Variants in DOCK4 observed in about 807,000 individuals in gnomAD.
DOCK4 encodes the protein dedicator of cytokinesis 4, also known as dedicator of cytokinesis protein 4.
Under a neutral mutation model 268.1 loss-of-function variants are expected in DOCK4, and 97 were observed. The ratio of observed to expected loss-of-function variants is 0.36; its 90% CI spans 0.31 to 0.43. The LOEUF is 0.43. Among genes scored for constraint, DOCK4 ranks in the 20% least tolerant of loss-of-function variants. The pLI is 1.00. For synonymous variants in DOCK4, 954 were observed against 887.2 expected (o/e 1.08, Z -1.34); for missense variants, 2,145 against 2,455.7 (o/e 0.87, Z 2.67).
At chr7:112,180,939 T>C (rs1346469105) in intron 1 of DOCK4, among the ~76,000 whole-genome samples, 7 of 152,178 alleles carry the variant, frequency 4.6e-5, no homozygotes, top group Admixed American at 4.6e-4. Context: ...AGGCAAAAGT[T>C]TGGAAGACAT....
chr7:112,119,583 G>C (rs986739907), intron 1 of DOCK4, among the ~76,000 whole-genome samples: 1 of 152,078 alleles, frequency 6.6e-6, no homozygotes, highest in African/African-American at 2.4e-5. Flanking sequence ...TGCCCTAAAC[G>C]AACATTGGAG....
intron 16 of DOCK4, 61 bp from the exon 17 acceptor site, chr7:111,877,247 G>T: frequency 5.7e-6 from 7 of 1,230,622 alleles, no homozygotes; most frequent in Non-Finnish European, 7.3e-6. Flanking sequence ...GAATTATTAA[G>T]CATAATTTAT....
intron 1 of DOCK4, among the ~76,000 whole-genome samples, chr7:112,130,017 G>A (rs1051551178): frequency 6.6e-6 from 1 of 152,202 alleles, no homozygotes; most frequent in Non-Finnish European, 1.5e-5. Flanking sequence ...AATGAACAGG[G>A]CCTTGAACAC....
Position 111,940,306 on chromosome 7 carries a change from G to A in DOCK4, c.845-64C>T, listed in dbSNP as rs542991089. On this transcript the variant is annotated intron_variant, in intron 10 of 52. Coordinates refer to ENST00000428084, the MANE Select transcript of DOCK4 (RefSeq NM_001363540.2). The stretch of plus-strand genomic sequence containing the variant: ...TTTGATTAGATGCATCTTAGGTAGC[G>A]AAACATACAGCTATAAGATAGGCCA... 7.8e-4 allele frequency: 1,244 copies of A among 1,601,150 alleles called. 4 individuals carry two copies. Among genetic ancestry groups the A allele is most frequent in the Non-Finnish European group, 9.6e-4 (1,127 of 1,169,318 alleles).
chr7:111,778,443 A>G (rs1192854827), intron 35 of DOCK4, 74 bp from the exon 36 acceptor site: 17 of 898,584 alleles, frequency 1.9e-5, no homozygotes, highest in South Asian at 5.1e-5. Flanking sequence ...TTACTCTGCT[A>G]AAGTTCCATG....
chr7:112,183,265 T>A (rs1819211791), intron 1 of DOCK4, among the ~76,000 whole-genome samples: 1 of 151,396 alleles, frequency 6.6e-6, no homozygotes, highest in Non-Finnish European at 1.5e-5. Flanking sequence ...AGGTCCTCCA[T>A]TTGGGAATAG....
intron 1 of DOCK4, among the ~76,000 whole-genome samples, chr7:112,093,449 G>T (rs546989360): frequency 6.7e-6 from 1 of 149,156 alleles, no homozygotes; most frequent in South Asian, 2.1e-4. Flanking sequence ...ACATTTAAAG[G>T]GGGGGGGAAA....
At position 111,766,931 on chromosome 7, in the gene DOCK4, G is replaced by A. The variant is rs73432094; in HGVS notation, c.3915+101C>T. On this transcript the variant is annotated intron_variant, in intron 38 of 52. Coordinates refer to ENST00000428084, the MANE Select transcript of DOCK4 (RefSeq NM_001363540.2). ...TGCTTCAGAGGATTTATCTTAAAAAGGGTTTCTGCAAGACCACAAAGTTAA... is the reference window on the plus strand; with the variant it reads ...TGCTTCAGAGGATTTATCTTAAAAAAGGTTTCTGCAAGACCACAAAGTTAA... 0.025 allele frequency: 20,440 copies of A among 833,290 alleles called. 2,200 individuals are homozygous for A. The African/African-American group carries it at 0.27, about 11-fold the overall frequency. The allele number at this position is 833,290 out of a possible 1,614,324, so 51.6% of individuals were successfully genotyped here.
intron 42 of DOCK4, among the ~76,000 whole-genome samples, chr7:111,754,020 A>C (rs2133540446): frequency 6.6e-6 from 1 of 152,366 alleles, no homozygotes; most frequent in Middle Eastern, 3.4e-3. Context: ...ACCATTGATG[A>C]GACTTCACAG....
At chr7:111,765,928 C>G (rs879215198) in intron 38 of DOCK4, among the ~76,000 whole-genome samples, 9 of 152,138 alleles carry the variant, frequency 5.9e-5, no homozygotes, top group Non-Finnish European at 1.0e-4. Flanking sequence ...CTCTATCCCC[C>G]CTCTAGTAAC....
chr7:112,072,437 C>T (rs1655436824), intron 1 of DOCK4, among the ~76,000 whole-genome samples: 1 of 152,140 alleles, frequency 6.6e-6, no homozygotes, highest in Admixed American at 6.5e-5. Context: ...TTTGGGGATG[C>T]AGACAAAAGG....
chr7:111,859,517 C>CA (rs1242616551), intron 23 of DOCK4, among the ~76,000 whole-genome samples: 1 of 151,124 alleles, frequency 6.6e-6, no homozygotes, highest in East Asian at 1.9e-4. Flanking sequence ...CCCATCCCCT[C>CA]AAAAAATCCT....
chr7:111,910,406 G>A (rs1006449168), intron 13 of DOCK4, among the ~76,000 whole-genome samples: 1 of 152,198 alleles, frequency 6.6e-6, no homozygotes, highest in African/African-American at 2.4e-5. Flanking sequence ...TGTGGCAATG[G>A]AGCCCTTAAA....
intron 1 of DOCK4, among the ~76,000 whole-genome samples, chr7:112,087,322 T>C (rs952309152): frequency 6.6e-6 from 1 of 152,146 alleles, no homozygotes; most frequent in African/African-American, 2.4e-5. Context: ...CCTGTTTTTA[T>C]GGAATCAATA....
At chr7:112,113,734 A>ATTTTTTTTTTTTTTTTTTTTTTTT (rs57672966) in intron 1 of DOCK4, among the ~76,000 whole-genome samples, 2 of 49,504 alleles carry the variant, frequency 4.0e-5, no homozygotes, top group Non-Finnish European at 3.7e-5. Context: ...TACTTGGCTG[A>ATTTTTTTTTTTTTTTTTTTTTTTT]TTTTTTTTTT....
Position 111,847,024 on chromosome 7 carries a change from A to T in DOCK4, c.2576T>A (p.Phe859Tyr). Reference protein sequence around the residue: ...IMCARILSNVFCLIKKNSSEK... With the variant: ...IMCARILSNVYCLIKKNSSEK... ...TGAGCTATTTTTCTTGATAAGACAA[A>T]ATACGTTGCTAAGGATACGTGCACA... is the stretch of plus-strand genomic sequence containing the variant. The change falls in exon 24 of 53, where the codon TTT becomes TAT. Residue 859 changes from phenylalanine (F) to tyrosine (Y), a missense_variant. By Grantham distance (22) the Phe-to-Tyr change is conservative (BLOSUM62 3). Around this residue, in one of 2 missense-constraint regions of DOCK4, gnomAD observed 1,598 missense variants for 1,986.7 expected, o/e 0.80. Transcript: ENST00000428084. 6.2e-7 allele frequency: 1 copy of T among 1,613,706 alleles called. No individual in the cohort carries two copies. The highest frequency in any genetic ancestry group is 8.5e-7 in the Non-Finnish European group (1 of 1,179,690).
At chr7:111,909,351 C>T (rs867391642) in intron 13 of DOCK4, among the ~76,000 whole-genome samples, 56 of 152,300 alleles carry the variant, frequency 3.7e-4, no homozygotes, top group Admixed American at 3.3e-3. Flanking sequence ...AAATTGCTTA[C>T]TTTCTTAAAC....
chr7:111,889,316 T>C (rs868278389), intron 16 of DOCK4, among the ~76,000 whole-genome samples: 2 of 152,136 alleles, frequency 1.3e-5, no homozygotes, highest in African/African-American at 4.8e-5. Flanking sequence ...GTTCCTGGCT[T>C]GTCTAAGATT....
chr7:112,199,677 A>G (rs1174565851), intron 1 of DOCK4, among the ~76,000 whole-genome samples: 2 of 152,210 alleles, frequency 1.3e-5, no homozygotes, highest in Non-Finnish European at 2.9e-5. Context: ...CTTTCTAATA[A>G]TGATCAGCAA....
Sources: gnomAD v4.1 joint callset for allele counts (sites outside exome capture counted in the v4.1 genomes callset) on GRCh38, gnomAD v4.1.1 for gene constraint, gnomAD v4.1.1 regional missense constraint, MANE v1.5 for transcripts, NCBI Gene and HGNC (gene_info 2026-07-23, HGNC 2026-07-21) for gene names.